The following ARHGAP15 variants were observed in gnomAD, a reference collection of about 807,000 sequenced individuals.
ARHGAP15 encodes the protein Rho GTPase activating protein 15, also known as rho GTPase-activating protein 15.
Under a neutral mutation model 63.7 loss-of-function variants are expected in ARHGAP15, and 51 were observed. The ratio of observed to expected loss-of-function variants is 0.80; its 90% CI spans 0.64 to 1.01. The LOEUF is 1.01. ARHGAP15 is among the 50% of genes least tolerant of loss of function. The pLI is 0.00. For missense variants in ARHGAP15, 560 were observed against 564.6 expected, an observed-to-expected ratio of 0.99 and a Z score of 0.08; for synonymous variants, 191 against 193.8, an observed-to-expected ratio of 0.99 and a Z score of 0.12.
chr2:143,720,038 G>A (rs901128669), intron 13 of ARHGAP15, among the ~76,000 whole-genome samples: 4 of 152,144 alleles, frequency 2.6e-5, no homozygotes, highest in African/African-American at 7.2e-5. Context: ...TGTCATGTAC[G>A]AGAAATTTCT....
chr2:143,493,870 C>A (rs1459372029), intron 9 of ARHGAP15, among the ~76,000 whole-genome samples: 1 of 152,140 alleles, frequency 6.6e-6, no homozygotes, highest in African/African-American at 2.4e-5. Context: ...TTCAGTATGC[C>A]CACACACTCG....
chr2:143,408,256 T>C (rs1688297961), intron 6 of ARHGAP15, among the ~76,000 whole-genome samples: 1 of 149,942 alleles, frequency 6.7e-6, no homozygotes, highest in Admixed American at 6.6e-5. Context: ...TTCTTCTCTC[T>C]TTTCATATTC....
intron 9 of ARHGAP15, among the ~76,000 whole-genome samples, chr2:143,503,616 A>G (rs1693173060): frequency 6.6e-6 from 1 of 152,216 alleles, no homozygotes; most frequent in South Asian, 2.1e-4. Flanking sequence ...CCAGTCCTTC[A>G]CCTGACTGCA....
At chr2:143,406,719 C>T (rs1269362056) in intron 6 of ARHGAP15, among the ~76,000 whole-genome samples, 1 of 151,924 alleles carries the variant, frequency 6.6e-6, no homozygotes, top group East Asian at 1.9e-4. Context: ...CACTAGGCAT[C>T]ATAATACATG....
chr2:143,659,152 C>G (rs1574788624), intron 12 of ARHGAP15, among the ~76,000 whole-genome samples: 1 of 152,180 alleles, frequency 6.6e-6, no homozygotes, highest in African/African-American at 2.4e-5. Flanking sequence ...CCAAATATAG[C>G]TGGCTTCAAA....
chr2:143,306,423 T>A (rs1333424818), intron 6 of ARHGAP15, among the ~76,000 whole-genome samples: 2 of 152,150 alleles, frequency 1.3e-5, no homozygotes, highest in Non-Finnish European at 2.9e-5. Context: ...TACTAGCTAA[T>A]GACAGGCACA....
intron 12 of ARHGAP15, among the ~76,000 whole-genome samples, chr2:143,672,532 C>T (rs1682579183): frequency 6.6e-6 from 1 of 151,964 alleles, no homozygotes; most frequent in African/African-American, 2.4e-5. Context: ...AATTTTGATT[C>T]CAAAATTTAG....
intron 11 of ARHGAP15, among the ~76,000 whole-genome samples, chr2:143,616,334 T>A (rs1213287833): frequency 6.6e-6 from 1 of 152,200 alleles, no homozygotes; most frequent in Non-Finnish European, 1.5e-5. Flanking sequence ...AAATGAAATC[T>A]GAGGAGAAAT....
intron 13 of ARHGAP15, among the ~76,000 whole-genome samples, chr2:143,708,737 T>C (rs1309840040): frequency 6.6e-6 from 1 of 152,144 alleles, no homozygotes; most frequent in African/African-American, 2.4e-5. Context: ...ATGCCTCTTA[T>C]GAAGAGCCTC....
chr2:143,349,152 G>T (rs556954094), intron 6 of ARHGAP15, among the ~76,000 whole-genome samples: 1 of 152,290 alleles, frequency 6.6e-6, no homozygotes, highest in Non-Finnish European at 1.5e-5. Flanking sequence ...GAAACTTGAA[G>T]ATTGCATTTT....
intron 12 of ARHGAP15, among the ~76,000 whole-genome samples, chr2:143,668,343 C>T (rs1234004103): frequency 6.6e-6 from 1 of 151,872 alleles, no homozygotes; most frequent in Non-Finnish European, 1.5e-5. Flanking sequence ...AGTTAGGCGG[C>T]AGCTTTCAGC....
intron 1 of ARHGAP15, among the ~76,000 whole-genome samples, chr2:143,150,493 T>C (rs1558776938): frequency 6.6e-6 from 1 of 151,992 alleles, no homozygotes; most frequent in Non-Finnish European, 1.5e-5. Flanking sequence ...TGCTTCCTGT[T>C]TTTAAACAGG....
chr2:143,463,470 G>A (rs1166171385), intron 8 of ARHGAP15, among the ~76,000 whole-genome samples: 1 of 146,002 alleles, frequency 6.8e-6, no homozygotes, highest in East Asian at 2.1e-4. Flanking sequence ...AACCCTGGAG[G>A]CAGAAGTTGT....
chr2:143,236,368 A>G, intron 5 of ARHGAP15: 1 of 158,512 alleles, frequency 6.3e-6, no homozygotes, highest in Non-Finnish European at 1.4e-5. Context: ...AGTCATGTTC[A>G]GCTTAGGTAT....
chr2:143,732,949 T>C (rs1225947480), intron 13 of ARHGAP15, among the ~76,000 whole-genome samples: 1 of 149,568 alleles, frequency 6.7e-6, no homozygotes, highest in Non-Finnish European at 1.5e-5. Context: ...CAGATGGCAT[T>C]TCTCTCTGTT....
At chr2:143,480,090 A>G (rs1384667452) in intron 8 of ARHGAP15, among the ~76,000 whole-genome samples, 1 of 152,186 alleles carries the variant, frequency 6.6e-6, no homozygotes, top group Non-Finnish European at 1.5e-5. Flanking sequence ...CCTGCCTTAC[A>G]CTATAGAAAT....
At chr2:143,656,232 A>G (rs968086389) in intron 12 of ARHGAP15, 4 of 152,236 alleles carry the variant, frequency 2.6e-5, no homozygotes, top group African/African-American at 9.6e-5. Context: ...CAACATAAAT[A>G]ACTATCAATA....
At chr2:143,479,898 T>C (rs1691996195) in intron 8 of ARHGAP15, among the ~76,000 whole-genome samples, 1 of 151,988 alleles carries the variant, frequency 6.6e-6, no homozygotes. Flanking sequence ...CATTAAACTC[T>C]GGCTTATAAA....
At chr2:143,209,974 A>G (rs1365729663) in intron 3 of ARHGAP15, among the ~76,000 whole-genome samples, 1 of 152,178 alleles carries the variant, frequency 6.6e-6, no homozygotes, top group Non-Finnish European at 1.5e-5. Flanking sequence ...CACACAGAAC[A>G]GCAACAATAA....
Sources: gnomAD v4.1 joint callset for allele counts (sites outside exome capture counted in the v4.1 genomes callset) on GRCh38, gnomAD v4.1.1 for gene constraint, MANE v1.5 for transcripts, NCBI Gene and HGNC (gene_info 2026-07-23, HGNC 2026-07-21) for gene names.